ZNF827: variants seen among roughly 807,000 people sequenced by gnomAD.
ZNF827 encodes the protein zinc finger protein 827.
Under a neutral mutation model 102.4 loss-of-function variants are expected in ZNF827, and 13 were observed. The observed-to-expected ratio is 0.13, with a 90% CI of 0.08 to 0.20. The LOEUF is 0.20. ZNF827 is among the 10% of genes least tolerant of loss of function. The pLI is 1.00. For missense variants in ZNF827, 1,103 were observed against 1,344.4 expected (o/e 0.82, Z 2.81); for synonymous variants, 523 against 536.2 (o/e 0.98, Z 0.34).
intron 8 of ZNF827, among the ~76,000 whole-genome samples, chr4:145,810,856 GTATTTTTGTCCATATCCCT>G (rs1033223497): frequency 6.6e-6 from 1 of 152,112 alleles, no homozygotes; most frequent in Admixed American, 6.5e-5. Flanking sequence ...GCTGCAAAGT[GTATTTTTGTCCATATCCCT>G]TAAAGTTACT....
chr4:145,889,181 G>C (rs1038315615), intron 3 of ZNF827, among the ~76,000 whole-genome samples: 1 of 151,786 alleles, frequency 6.6e-6, no homozygotes, highest in African/African-American at 2.4e-5. Flanking sequence ...TCACAAAAAG[G>C]GAAAAGGAAT....
intron 7 of ZNF827, among the ~76,000 whole-genome samples, chr4:145,830,062 C>T (rs1017464482): frequency 6.6e-6 from 1 of 152,158 alleles, no homozygotes; most frequent in Non-Finnish European, 1.5e-5. Context: ...AATAATTAAT[C>T]TGACTTTAGT....
intron 8 of ZNF827, among the ~76,000 whole-genome samples, chr4:145,815,645 A>T (rs1742529467): frequency 1.3e-5 from 2 of 152,248 alleles, no homozygotes; most frequent in Non-Finnish European, 2.9e-5. Flanking sequence ...AAGAAATTGC[A>T]TGAAATGAGA....
At chr4:145,932,918 TCTC>T (rs746182436) in intron 1 of ZNF827, among the ~76,000 whole-genome samples, 25 of 152,096 alleles carry the variant, frequency 1.6e-4, no homozygotes, top group Non-Finnish European at 2.6e-4. Context: ...CCCTTCGAAC[TCTC>T]CTAATAGAGG....
At chr4:145,782,531 C>A (rs1738239089) in intron 8 of ZNF827, among the ~76,000 whole-genome samples, 1 of 152,194 alleles carries the variant, frequency 6.6e-6, no homozygotes. Flanking sequence ...TTATGCAGGT[C>A]TTTCTAGACC....
intron 8 of ZNF827, among the ~76,000 whole-genome samples, chr4:145,799,908 G>GA (rs1438844175): frequency 2.4e-4 from 36 of 152,158 alleles, no homozygotes; most frequent in Admixed American, 2.3e-3. Context: ...AGGAGCCTTA[G>GA]AGCCGCCACA....
chr4:145,847,742 A>C (rs1020688964), intron 6 of ZNF827, among the ~76,000 whole-genome samples: 10 of 152,238 alleles, frequency 6.6e-5, no homozygotes, highest in African/African-American at 2.4e-4. Context: ...GGCCAACTGT[A>C]TAAGAGTTTC....
chr4:145,834,306 A>G (rs1482683121), intron 7 of ZNF827, among the ~76,000 whole-genome samples: 3 of 151,898 alleles, frequency 2.0e-5, no homozygotes, highest in African/African-American at 7.3e-5. Context: ...ACTTGTCCCA[A>G]ATCTTCCTTC....
rs771709569 is a variant in ZNF827, at chr4:145,849,437, T to C, written c.2106A>G (p.Arg702=). 4 of 1,614,084 alleles carry C rather than the reference T, an allele frequency of 2.5e-6. No individual in the cohort carries two copies. Among genetic ancestry groups the C allele is most frequent in the Non-Finnish European group, 3.4e-6 (4 of 1,180,044 alleles). ...RNVGYSTLIG[R]EKTEPLQKMP... The stretch of plus-strand genomic sequence containing the variant: ...TCTTCTGTAAGGGTTCGGTTTTCTC[T>C]CGCCCGATTAAAGTGCTGTAGCCAA... Residue 702 remains arginine, a synonymous_variant, in exon 6 of 15, where the codon CGA becomes CGG. Coordinates refer to ENST00000508784, the MANE Select transcript of ZNF827 (RefSeq NM_001306215.2).
chr4:145,838,992 A>G (rs1316809885), intron 7 of ZNF827, among the ~76,000 whole-genome samples: 2 of 152,248 alleles, frequency 1.3e-5, no homozygotes, highest in East Asian at 3.8e-4. Context: ...TATGACCCTC[A>G]GTATCAGTCT....
chr4:145,862,187 T>C (rs1365381903), intron 5 of ZNF827, among the ~76,000 whole-genome samples: 5 of 152,170 alleles, frequency 3.3e-5, no homozygotes, highest in South Asian at 2.1e-4. Flanking sequence ...ACAGCAGGTA[T>C]GGCCAGAGAG....
chr4:145,799,378 G>C (rs1436669169), intron 8 of ZNF827, among the ~76,000 whole-genome samples: 1 of 152,170 alleles, frequency 6.6e-6, no homozygotes, highest in Non-Finnish European at 1.5e-5. Context: ...ATAAGCCTAT[G>C]AGTTAGGTAT....
rs771481333 is a variant in ZNF827, at chr4:145,761,499, C to T, written c.*117G>A. On this transcript the variant is annotated 3_prime_UTR_variant, in exon 15 of 15. Transcript: ENST00000508784. The surrounding 1 kb of genome is among the most constrained non-coding windows in gnomAD (Gnocchi z 6.8). The stretch of plus-strand genomic sequence containing the variant: ...CCAGCTCCAGCTGGTTGGCCTTCAC[C>T]GTCTGGCAGATCCGGCACTTGTACT... 1 of 1,289,810 alleles carries T rather than the reference C, an allele frequency of 7.8e-7. No individual in the cohort carries two copies. The highest frequency in any genetic ancestry group is 1.2e-5 in the South Asian group (1 of 81,026). The allele number at this position is 1,289,810 out of a possible 1,614,324, so 79.9% of individuals were successfully genotyped here. A position where few individuals can be genotyped will look rare whatever the true frequency, so the allele number is the denominator to read the frequency against.
intron 2 of ZNF827, among the ~76,000 whole-genome samples, chr4:145,898,246 T>C (rs939503548): frequency 1.3e-5 from 2 of 152,196 alleles, no homozygotes; most frequent in African/African-American, 2.4e-5. Flanking sequence ...TTTGCAATAA[T>C]TTTAATAACA....
At chr4:145,891,992 A>G (rs1288949705) in intron 3 of ZNF827, among the ~76,000 whole-genome samples, 1 of 152,216 alleles carries the variant, frequency 6.6e-6, no homozygotes, top group Non-Finnish European at 1.5e-5. Context: ...CCCCTATAGG[A>G]GAGGACCGCC....
At chr4:145,833,164 G>A (rs62345793) in intron 7 of ZNF827, 29,159 of 195,318 alleles carry the variant, frequency 0.15, 2,198 homozygotes, top group Middle Eastern at 0.2. Context: ...TCCGGTAAGC[G>A]GCCTCTTTTT....
intron 1 of ZNF827, among the ~76,000 whole-genome samples, chr4:145,921,116 G>A (rs569626127): frequency 5.3e-5 from 8 of 152,306 alleles, no homozygotes; most frequent in African/African-American, 1.9e-4. Context: ...AGTGTTGCAG[G>A]CTAAGTAGGA....
In ZNF827 at chr4:145,760,717, GT is replaced by G; in HGVS notation, c.*898del. The G allele has an allele frequency of 1.1e-6, 1 of 913,180 alleles. No individual in the cohort carries two copies. The highest frequency in any genetic ancestry group is 1.3e-6 in the Non-Finnish European group (1 of 759,042). The allele number at this position is 913,180 out of a possible 1,614,324, so 56.6% of individuals were successfully genotyped here. On this transcript the variant is annotated 3_prime_UTR_variant, in exon 15 of 15. Transcript: ENST00000508784. ...CCTGCTGGGGTTGTGTTTAAGTTTT[GT>G]GGTTTTTTTTTTTTTTTTTGTCTTT...
At chr4:145,881,244 T>A (rs1749635491) in intron 4 of ZNF827, among the ~76,000 whole-genome samples, 1 of 152,252 alleles carries the variant, frequency 6.6e-6, no homozygotes, top group Non-Finnish European at 1.5e-5. Flanking sequence ...CAGTTTAGCT[T>A]ATATCCATTT....
Sources: allele counts gnomAD v4.1 joint callset (sites outside exome capture counted in the v4.1 genomes callset), GRCh38; gene constraint gnomAD v4.1.1; non-coding constraint Gnocchi (gnomAD v3.1); transcripts MANE v1.5; gene names NCBI Gene and HGNC (gene_info 2026-07-23, HGNC 2026-07-21).